SLC30A6: variants seen among roughly 807,000 people sequenced by gnomAD.
SLC30A6 encodes the protein zinc transporter 6.
Under a neutral mutation model 63.0 loss-of-function variants are expected in SLC30A6, and 55 were observed. The observed-to-expected ratio is 0.87, with a 90% confidence interval of 0.70 to 1.09. The LOEUF is 1.09. Ranked by LOEUF, SLC30A6 falls within the 50% of genes least tolerant of loss-of-function variation. SLC30A6 has a pLI of 0.00. For synonymous variants in SLC30A6, 224 were observed against 186.1 expected, an observed-to-expected ratio of 1.20 and a Z score of -1.66; for missense variants, 587 against 549.2, an observed-to-expected ratio of 1.07 and a Z score of -0.69.
Position 32,220,533 on chromosome 2 carries a change from A to G in SLC30A6, c.1206A>G (p.Leu402=). The G allele has an allele frequency of 6.2e-7, 1 of 1,614,210 alleles. No homozygotes were observed. The highest frequency in any genetic ancestry group is 8.5e-7 in the Non-Finnish European group (1 of 1,180,032). ...AAAATGTGAACCCAGTTATTCTTCT[A>G]AACACACAAACAAGGCCTTATGGTT... ...PGKNVNPVIL[L]NTQTRPYGFG... is the part of the protein sequence containing the mutation. The change falls in exon 14 of 14, where the codon CTA becomes CTG. Residue 402 remains leucine (L), a synonymous_variant. Coordinates refer to ENST00000282587, the MANE Select transcript of SLC30A6 (RefSeq NM_017964.5).
At chr2:32,204,554 A>G (rs773514267) in intron 10 of SLC30A6, 36 bp from the exon 11 acceptor site, 40 of 1,444,288 alleles carry the variant, frequency 2.8e-5, no homozygotes, top group Non-Finnish European at 3.9e-5. Flanking sequence ...CCAGTGAGAT[A>G]TAAATTTAAA....
chr2:32,166,569 G>T (rs1680678556), intron 1 of SLC30A6, among the ~76,000 whole-genome samples: 1 of 152,226 alleles, frequency 6.6e-6, no homozygotes. Flanking sequence ...TTTGCCTTTA[G>T]AGCTCAAATA....
intron 1 of SLC30A6, among the ~76,000 whole-genome samples, chr2:32,166,460 CT>C (rs1360671124): frequency 6.6e-6 from 1 of 152,186 alleles, no homozygotes; most frequent in African/African-American, 2.4e-5. Flanking sequence ...TTTATTGCTG[CT>C]TTATTTCTGG....
intron 8 of SLC30A6, 123 bp from the exon 9 acceptor site, chr2:32,197,221 T>C: frequency 1.3e-6 from 1 of 776,402 alleles, no homozygotes; most frequent in South Asian, 1.9e-5. Flanking sequence ...AGGAGTAGCA[T>C]GTTCTTTTGT....
chr2:32,170,661 C>T (rs535342170), intron 1 of SLC30A6, among the ~76,000 whole-genome samples: 7 of 152,206 alleles, frequency 4.6e-5, no homozygotes, highest in African/African-American at 9.7e-5. Context: ...TGCAGTGGCA[C>T]AATCTTGACT....
chr2:32,209,784 C>T (rs1202798645), intron 13 of SLC30A6, among the ~76,000 whole-genome samples: 1 of 151,964 alleles, frequency 6.6e-6, no homozygotes, highest in Non-Finnish European at 1.5e-5. Context: ...GAACTCCTGG[C>T]CTCAAGCAGT....
intron 5 of SLC30A6, among the ~76,000 whole-genome samples, chr2:32,186,786 T>C (rs1402686493): frequency 6.6e-6 from 1 of 151,732 alleles, no homozygotes; most frequent in Non-Finnish European, 1.5e-5. Context: ...CACTTGAGTT[T>C]AGGAGTTTGA....
rs1416166382 is a variant in SLC30A6 at position 32,171,287 on chromosome 2, G to C, written c.4G>C (p.Gly2Arg). Residue 2 changes from glycine (G) to arginine (R), a missense_variant and splice_region_variant, in exon 2 of 14, where the codon GGG becomes CGG. Gly to Arg is a moderately radical substitution (Grantham distance 125). Transcript: ENST00000282587. Reference sequence around the variant, plus strand: ...TGATTTGTATATGTTTGTTTGAAAGGGGACAATTCATCTCTTTCGAAAACC... The same window carrying C: ...TGATTTGTATATGTTTGTTTGAAAGCGGACAATTCATCTCTTTCGAAAACC... Reference protein sequence around the residue: MGTIHLFRKPQR... With the variant: MRTIHLFRKPQR... The C allele has an allele frequency of 2.5e-6, 4 of 1,612,692 alleles. No homozygotes were observed. Among genetic ancestry groups the C allele is most frequent in the Admixed American group, 1.7e-5 (1 of 59,970 alleles).
At chr2:32,183,295 C>CT (rs1489129324) in intron 4 of SLC30A6, among the ~76,000 whole-genome samples, 1 of 152,164 alleles carries the variant, frequency 6.6e-6, no homozygotes, top group African/African-American at 2.4e-5. Flanking sequence ...AGACTCTTGT[C>CT]TCCCTGCTTC....
In SLC30A6 at chr2:32,184,333, A is replaced by C. The variant is rs767985312; in HGVS notation, c.279A>C (p.Ser93=). 6.7e-7 allele frequency: 1 copy of C among 1,493,722 alleles called. No individual in the cohort carries two copies. The highest frequency in any genetic ancestry group is 9.0e-7 in the Non-Finnish European group (1 of 1,110,064). 92.5% of individuals were successfully genotyped at this position (1,493,722 alleles called of 1,614,324 possible). Residue 93 remains serine, a synonymous_variant, in exon 5 of 14, where the codon TCA becomes TCC. Transcript: ENST00000282587. ...TGAGGAAACCTAGCCCTGTCTATTC[A>C]TTTGGGTAAGTTCAAATTATTTTAT... ...VTLRKPSPVY[S]FGFERLEVLA... is the part of the protein sequence containing the mutation.
intron 4 of SLC30A6, among the ~76,000 whole-genome samples, chr2:32,178,034 G>A (rs1018546659): frequency 2.1e-5 from 3 of 144,498 alleles, no homozygotes; most frequent in Admixed American, 1.5e-4. Context: ...TGCAATCTCC[G>A]CCTCCCAGGT....
chr2:32,212,894 ATTTTTTT>A (rs10522618), intron 13 of SLC30A6, among the ~76,000 whole-genome samples: 4 of 118,256 alleles, frequency 3.4e-5, no homozygotes, highest in Admixed American at 9.1e-5. Flanking sequence ...TGTGTCCAGC[ATTTTTTT>A]TTTTTTTTTT....
At chr2:32,187,649 A>G (rs1318290922) in intron 5 of SLC30A6, among the ~76,000 whole-genome samples, 1 of 152,228 alleles carries the variant, frequency 6.6e-6, no homozygotes, top group Non-Finnish European at 1.5e-5. Flanking sequence ...CCTTCTTGAC[A>G]GCTTCACACG....
rs927287157 is a variant in SLC30A6 at position 32,203,296 on chromosome 2, A to G, written c.666-1294A>G. 8.3e-5 allele frequency: 77 copies of G among 924,310 alleles called. 1 individual carries two copies. In the Admixed American group the frequency reaches 1.0e-3, roughly 13 times the overall value. The allele number at this position is 924,310 out of a possible 1,614,324, so 57.3% of individuals were successfully genotyped here. ...TTTATCAACCAAGAGAAAGAGGTCAACTAAGATATGTGGAACAAAAAGTAG... is the reference window on the plus strand; with the variant it reads ...TTTATCAACCAAGAGAAAGAGGTCAGCTAAGATATGTGGAACAAAAAGTAG... On this transcript the variant is annotated intron_variant, in intron 10 of 13. Coordinates refer to ENST00000282587, the MANE Select transcript of SLC30A6 (RefSeq NM_017964.5).
chr2:32,216,534 AAAATAAATAAATAAATAAAT>A (rs199888607), intron 13 of SLC30A6, among the ~76,000 whole-genome samples: 68 of 133,082 alleles, frequency 5.1e-4, no homozygotes, highest in African/African-American at 1.7e-3. Flanking sequence ...AGACTCTCTC[AAAATAAATAAATAAATAAAT>A]AAATAAATAA....
intron 8 of SLC30A6, among the ~76,000 whole-genome samples, chr2:32,195,240 G>A (rs1683681014): frequency 6.6e-6 from 1 of 150,844 alleles, no homozygotes; most frequent in Non-Finnish European, 1.5e-5. Context: ...GCTGATTTTT[G>A]TATTTTTAGC....
chr2:32,208,548 G>A (rs1684982001), intron 12 of SLC30A6, among the ~76,000 whole-genome samples: 2 of 152,112 alleles, frequency 1.3e-5, no homozygotes, highest in South Asian at 4.1e-4. Context: ...CCAAAGTGCT[G>A]GGATTACAGG....
At chr2:32,172,362 C>T (rs543381138) in intron 2 of SLC30A6, among the ~76,000 whole-genome samples, 2 of 152,152 alleles carry the variant, frequency 1.3e-5, no homozygotes, top group East Asian at 1.9e-4. Context: ...TATGCTCCAT[C>T]ATTATCATTT....
chr2:32,201,755 A>G, intron 10 of SLC30A6: 7 of 1,345,182 alleles, frequency 5.2e-6, no homozygotes, highest in Non-Finnish European at 7.3e-6. Context: ...GGTTTTTATG[A>G]AGATTTAAAC....
Sources: allele counts gnomAD v4.1 joint callset (sites outside exome capture counted in the v4.1 genomes callset), GRCh38; gene constraint gnomAD v4.1.1; transcripts MANE v1.5; gene names NCBI Gene and HGNC (gene_info 2026-07-23, HGNC 2026-07-21).